Variants in PIK3C2G observed in about 807,000 individuals in gnomAD.
PIK3C2G encodes the protein phosphatidylinositol 3-kinase C2 domain-containing subunit gamma.
PIK3C2G carries 168 observed loss-of-function variants against 181.1 expected under a neutral mutation model. The observed-to-expected ratio is 0.93, with a 90% CI of 0.82 to 1.05. The LOEUF (loss-of-function observed/expected upper bound fraction) is 1.05. PIK3C2G is among the 50% of genes least tolerant of loss of function. The probability of loss-of-function intolerance (pLI) is 0.00; values close to 1 mark genes in which losing one functional copy is unlikely to be tolerated. For missense variants in PIK3C2G, 1,869 were observed against 1,732.8 expected (o/e 1.08, Z -1.40); for synonymous variants, 573 against 592.2 (o/e 0.97, Z 0.47).
the PIK3C2G span, among the ~76,000 whole-genome samples, chr12:18,698,981 G>A: frequency 6.6e-6 from 1 of 152,124 alleles, no homozygotes; most frequent in Admixed American, 6.6e-5. Context: ...TGGCTCTTAA[G>A]TTAGTTGCTC....
At chr12:18,299,178 G>A (rs1441892706) in intron 5 of PIK3C2G, among the ~76,000 whole-genome samples, 1 of 151,890 alleles carries the variant, frequency 6.6e-6, no homozygotes, top group Non-Finnish European at 1.5e-5. Context: ...ACGAGCATGG[G>A]ATGTCTTTCC....
At chr12:18,716,667 C>A in the PIK3C2G span, among the ~76,000 whole-genome samples, 1 of 152,146 alleles carries the variant, frequency 6.6e-6, no homozygotes, top group Admixed American at 6.5e-5. Context: ...AGAATTTGTA[C>A]AGAACTTTGT....
At chr12:18,644,464 A>G (rs1950010016) in intron 32 of PIK3C2G, among the ~76,000 whole-genome samples, 1 of 152,258 alleles carries the variant, frequency 6.6e-6, no homozygotes, top group Non-Finnish European at 1.5e-5. Flanking sequence ...ACCTTTTCTT[A>G]TATATTATTC....
At chr12:18,559,819 TATAG>T (rs1565507640) in intron 26 of PIK3C2G, among the ~76,000 whole-genome samples, 8 of 19,928 alleles carry the variant, frequency 4.0e-4, no homozygotes, top group East Asian at 2.2e-3. Context: ...TATATATATA[TATAG>T]AGAGAGAGAG....
At chr12:18,599,514 G>C (rs12826212) in intron 30 of PIK3C2G, among the ~76,000 whole-genome samples, 2 of 151,652 alleles carry the variant, frequency 1.3e-5, no homozygotes, top group East Asian at 3.9e-4. Context: ...AGGGGGAGGC[G>C]GGAGGGATAG....
chr12:18,572,564 A>G (rs958518088), intron 29 of PIK3C2G, among the ~76,000 whole-genome samples: 1 of 151,424 alleles, frequency 6.6e-6, no homozygotes, highest in Non-Finnish European at 1.5e-5. Flanking sequence ...CTCAGATGTA[A>G]TGTTGTTACT....
intron 2 of PIK3C2G, among the ~76,000 whole-genome samples, chr12:18,282,999 T>C (rs1237683464): frequency 1.3e-5 from 2 of 152,142 alleles, no homozygotes; most frequent in African/African-American, 2.4e-5. Flanking sequence ...AAAACTATTA[T>C]AAAATTTTAC....
chr12:18,630,661 C>G (rs1389069455), intron 31 of PIK3C2G, among the ~76,000 whole-genome samples: 1 of 151,594 alleles, frequency 6.6e-6, no homozygotes, highest in East Asian at 2.0e-4. Flanking sequence ...ACATACATAT[C>G]AAACTATTTT....
intron 1 of PIK3C2G, among the ~76,000 whole-genome samples, chr12:18,276,257 G>C (rs1195298442): frequency 6.6e-6 from 1 of 152,132 alleles, no homozygotes; most frequent in African/African-American, 2.4e-5. Context: ...CACTCTCCAT[G>C]TCTTTCCCTG....
chr12:18,276,004 A>G (rs751122114), intron 1 of PIK3C2G, among the ~76,000 whole-genome samples: 13 of 152,210 alleles, frequency 8.5e-5, no homozygotes, highest in African/African-American at 1.7e-4. Flanking sequence ...AACACTCAGT[A>G]AAACAATATT....
chr12:18,411,670 T>C (rs968486046), intron 16 of PIK3C2G, among the ~76,000 whole-genome samples: 1 of 152,194 alleles, frequency 6.6e-6, no homozygotes, highest in Non-Finnish European at 1.5e-5. Flanking sequence ...GATTTTCTAA[T>C]TCTAACCTGA....
intron 6 of PIK3C2G, chr12:18,320,063 A>T (rs1041622519): frequency 1.3e-5 from 2 of 152,160 alleles, no homozygotes; most frequent in African/African-American, 4.8e-5. Context: ...TACCTTTGAC[A>T]TTGGGCCATA....
At chr12:18,327,146 A>G (rs553077561) in intron 8 of PIK3C2G, among the ~76,000 whole-genome samples, 49 of 152,224 alleles carry the variant, frequency 3.2e-4, no homozygotes, top group African/African-American at 1.0e-3. Context: ...AAATTATTTT[A>G]TAAATAGGTC....
chr12:18,698,472 G>C, the PIK3C2G span, among the ~76,000 whole-genome samples: 4 of 152,058 alleles, frequency 2.6e-5, no homozygotes, highest in Non-Finnish European at 5.9e-5. Context: ...ATGAACTAAA[G>C]TATACTTCAA....
chr12:18,419,326 T>C (rs757402861), intron 16 of PIK3C2G, among the ~76,000 whole-genome samples: 4 of 152,176 alleles, frequency 2.6e-5, no homozygotes, highest in Non-Finnish European at 5.9e-5. Flanking sequence ...GGGCGACTGA[T>C]AGCTAACTTA....
At chr12:18,306,855 A>G (rs1389063348) in intron 5 of PIK3C2G, among the ~76,000 whole-genome samples, 2 of 151,956 alleles carry the variant, frequency 1.3e-5, no homozygotes, top group South Asian at 2.1e-4. Flanking sequence ...TACAAAATCA[A>G]ATAGAAATCG....
intron 13 of PIK3C2G, chr12:18,372,492 T>A (rs1474250552): frequency 6.6e-6 from 1 of 152,192 alleles, no homozygotes; most frequent in African/African-American, 2.4e-5. Flanking sequence ...AGCAGACATT[T>A]CAAAGATATG....
At chr12:18,311,488 A>G (rs1950633962) in intron 5 of PIK3C2G, among the ~76,000 whole-genome samples, 2 of 149,478 alleles carry the variant, frequency 1.3e-5, no homozygotes, top group South Asian at 2.1e-4. Flanking sequence ...CTCTATCTAT[A>G]TAGATAGACA....
At chr12:18,484,263 T>TGTGGGAAGA (rs1285886191) in intron 18 of PIK3C2G, among the ~76,000 whole-genome samples, 15 of 152,252 alleles carry the variant, frequency 9.9e-5, no homozygotes, top group African/African-American at 3.6e-4. Context: ...TACCACACAG[T>TGTGGGAAGA]GTGGGAACAG....
Sources: allele counts gnomAD v4.1 joint callset (sites outside exome capture counted in the v4.1 genomes callset), GRCh38; gene constraint gnomAD v4.1.1; transcripts MANE v1.5; gene names NCBI Gene and HGNC (gene_info 2026-07-23, HGNC 2026-07-21).